The following NYAP2 variants were observed in gnomAD, a reference collection of about 807,000 sequenced individuals.
NYAP2 encodes the protein neuronal tyrosine-phosphorylated phosphoinositide-3-kinase adaptor 2.
NYAP2 carries 23 observed loss-of-function variants against 50.4 expected under a neutral mutation model. The ratio of observed to expected loss-of-function variants is 0.46; its 90% CI spans 0.33 to 0.65. The LOEUF (loss-of-function observed/expected upper bound fraction) is 0.65, where lower values mean the gene tolerates loss of function less well. NYAP2 is among the 30% of genes least tolerant of loss of function. NYAP2 has a pLI of 0.02. For missense variants in NYAP2, 885 were observed against 861.0 expected (o/e 1.03, Z -0.35); for synonymous variants, 394 against 365.2 (o/e 1.08, Z -0.90).
At chr2:225,634,341 C>G (rs1277770702) in intron 6 of NYAP2, among the ~76,000 whole-genome samples, 1 of 152,102 alleles carries the variant, frequency 6.6e-6, no homozygotes, top group African/African-American at 2.4e-5. Flanking sequence ...TGTGCTCGAA[C>G]AGTAGACCCC....
chr2:225,415,387 C>A (rs914516604), intron 3 of NYAP2, among the ~76,000 whole-genome samples: 1 of 152,042 alleles, frequency 6.6e-6, no homozygotes. Context: ...GCCCCAAAAG[C>A]AAATGGCTAT....
At chr2:225,408,471 G>T (rs1694976818) in intron 2 of NYAP2, among the ~76,000 whole-genome samples, 1 of 151,990 alleles carries the variant, frequency 6.6e-6, no homozygotes, top group Non-Finnish European at 1.5e-5. Flanking sequence ...AAATTGAACA[G>T]AAAAGTCTTT....
intron 3 of NYAP2, among the ~76,000 whole-genome samples, chr2:225,478,618 T>C (rs1690157106): frequency 6.6e-6 from 1 of 152,178 alleles, no homozygotes; most frequent in South Asian, 2.1e-4. Flanking sequence ...CCATCACTCA[T>C]ATTGTTTTTA....
chr2:225,509,978 G>A (rs1690782843), intron 3 of NYAP2, among the ~76,000 whole-genome samples: 1 of 152,222 alleles, frequency 6.6e-6, no homozygotes, highest in Non-Finnish European at 1.5e-5. Flanking sequence ...TTTAGTCAGT[G>A]GAGAGTGATG....
chr2:225,519,499 C>A (rs960196251), intron 4 of NYAP2, among the ~76,000 whole-genome samples: 7 of 147,294 alleles, frequency 4.8e-5, no homozygotes, highest in Admixed American at 1.4e-4. Context: ...TCAGTTCCCA[C>A]CTATGAGTGA....
intron 3 of NYAP2, among the ~76,000 whole-genome samples, chr2:225,440,674 G>A (rs1689454691): frequency 6.6e-6 from 1 of 152,188 alleles, no homozygotes; most frequent in South Asian, 2.1e-4. Flanking sequence ...GCACAGACTT[G>A]AGGAAAGACA....
At chr2:225,644,338 T>C (rs1318574403) in intron 6 of NYAP2, among the ~76,000 whole-genome samples, 1 of 151,782 alleles carries the variant, frequency 6.6e-6, no homozygotes, top group African/African-American at 2.4e-5. Context: ...ATTCTGGATA[T>C]TAGCCCTTTG....
rs1559232895 is a variant in NYAP2, at chr2:225,622,553, CTTTCTTTTTCTTT to C, written c.1619-4363_1619-4351del. Among the ~76,000 whole-genome samples, 35 of 40,756 alleles carry C rather than the reference CTTTCTTTTTCTTT, an allele frequency of 8.6e-4. 1 individual carries two copies. The highest frequency in any genetic ancestry group is 3.0e-3 in the African/African-American group (31 of 10,258). The allele number at this position is 40,756 out of a possible 152,430, so 26.7% of individuals were successfully genotyped here. On this transcript the variant is annotated intron_variant, in intron 5 of 6. Transcript: ENST00000636099. ...TCTTTCTTTCTTTCTTTCTTTCTTTCTTTCTTTTTCTTTCTTTCTTTCTTTCTTCTTTCTTTTT... is the reference window on the plus strand; with the variant it reads ...TCTTTCTTTCTTTCTTTCTTTCTTTCCTTTCTTTCTTTCTTCTTTCTTTTT...
At chr2:225,677,560 T>A in the NYAP2 span, among the ~76,000 whole-genome samples, 1 of 152,136 alleles carries the variant, frequency 6.6e-6, no homozygotes, top group Admixed American at 6.6e-5. Flanking sequence ...CCTAGATGGG[T>A]CTTATTATTT....
At chr2:225,586,906 G>A (rs1006696597) in intron 5 of NYAP2, among the ~76,000 whole-genome samples, 1 of 152,188 alleles carries the variant, frequency 6.6e-6, no homozygotes, top group East Asian at 1.9e-4. Flanking sequence ...GATTTATAAA[G>A]AAAAGTTTAA....
chr2:225,535,749 A>G (rs1165328864), intron 4 of NYAP2, among the ~76,000 whole-genome samples: 1 of 152,228 alleles, frequency 6.6e-6, no homozygotes, highest in East Asian at 1.9e-4. Flanking sequence ...TACAGGAGAC[A>G]GATGGTGGTT....
Position 225,563,427 on chromosome 2 carries a change from G to A in NYAP2, c.524-18514G>A, listed in dbSNP as rs77182730. ...ACTTTTTTCGTCTGAATCACTGAAA[G>A]AGAAGCCTCTGGCTGCAGGGAGTTA... On this transcript the variant is annotated intron_variant, in intron 4 of 6. Coordinates refer to ENST00000636099, the Ensembl canonical transcript of NYAP2. Among the ~76,000 whole-genome samples, 1,300 of 152,226 alleles carry A rather than the reference G, an allele frequency of 8.5e-3. 22 individuals carry two copies. The highest frequency in any genetic ancestry group is 0.029 in the African/African-American group (1,195 of 41,558).
intron 4 of NYAP2, among the ~76,000 whole-genome samples, chr2:225,555,900 A>C (rs1456606888): frequency 6.6e-6 from 1 of 152,138 alleles, no homozygotes; most frequent in Non-Finnish European, 1.5e-5. Context: ...AATATTAGTT[A>C]AGTTGTGCTC....
chr2:225,646,702 CA>C (rs1294138012), intron 6 of NYAP2, among the ~76,000 whole-genome samples: 3 of 152,110 alleles, frequency 2.0e-5, no homozygotes. Context: ...AGTCATATTC[CA>C]TGCTGGTATC....
intron 3 of NYAP2, among the ~76,000 whole-genome samples, chr2:225,414,772 TATGCTAA>T (rs2106122894): frequency 6.6e-6 from 1 of 152,300 alleles, no homozygotes; most frequent in South Asian, 2.1e-4. Context: ...GATCATCTGG[TATGCTAA>T]ATGTGCAAAA....
chr2:225,566,707 C>A (rs1486803404), intron 4 of NYAP2, among the ~76,000 whole-genome samples: 1 of 152,192 alleles, frequency 6.6e-6, no homozygotes, highest in Non-Finnish European at 1.5e-5. Context: ...GTAAAGAAAA[C>A]TTGCTGATGG....
At chr2:225,658,769 A>T (rs182876758), downstream of NYAP2, among the ~76,000 whole-genome samples, 2 of 152,380 alleles carry the variant, frequency 1.3e-5, no homozygotes, top group East Asian at 3.9e-4. Flanking sequence ...TAGTAGCTGA[A>T]TCAAGGAATA....
In NYAP2 at chr2:225,521,916, T is replaced by G. The variant is rs576242560; in HGVS notation, c.523+8244T>G. Among the ~76,000 whole-genome samples the G allele has an allele frequency of 4.8e-3, 732 of 152,122 alleles. 1 individual carries two copies. The highest frequency in any genetic ancestry group is 0.01 in the Middle Eastern group (3 of 294). On this transcript the variant is annotated intron_variant, in intron 4 of 6. Transcript: ENST00000636099. Reference sequence around the variant, plus strand: ...ATCCATCTGGTCCTGGACTCTTTTTTGTTGGTAAGCTATTGATTATTGCCA... The same window carrying G: ...ATCCATCTGGTCCTGGACTCTTTTTGGTTGGTAAGCTATTGATTATTGCCA...
At chr2:225,560,922 C>T (rs1691859169) in intron 4 of NYAP2, among the ~76,000 whole-genome samples, 2 of 136,496 alleles carry the variant, frequency 1.5e-5, no homozygotes, top group South Asian at 4.9e-4. Flanking sequence ...AACAAAGGAC[C>T]TTTCCAAAAC....
Sources: gnomAD v4.1 joint callset for allele counts (sites outside exome capture counted in the v4.1 genomes callset) on GRCh38, gnomAD v4.1.1 for gene constraint, MANE v1.5 for transcripts, NCBI Gene and HGNC (gene_info 2026-07-23, HGNC 2026-07-21) for gene names.